Variants in LGR4 observed in about 807,000 individuals in gnomAD.
The protein encoded by LGR4 is leucine-rich repeat-containing G protein-coupled receptor 4.
In LGR4, 44 loss-of-function variants were observed where a neutral mutation model predicts 84.8. That is an observed-to-expected ratio of 0.52 (90% CI 0.41 to 0.67). The LOEUF is 0.67. LGR4 is among the 30% of genes least tolerant of loss of function. The pLI is 0.00. For synonymous variants in LGR4, 429 were observed against 434.3 expected (o/e 0.99, Z 0.15); for missense variants, 1,032 against 1,131.4 (o/e 0.91, Z 1.26).
At chr11:27,447,087 C>T (rs997915366) in intron 1 of LGR4, among the ~76,000 whole-genome samples, 4 of 151,890 alleles carry the variant, frequency 2.6e-5, no homozygotes, top group East Asian at 1.9e-4. Context: ...CTAATGTAAA[C>T]GACAAGTTAA....
chr11:27,416,256 G>C (rs1863815487), intron 1 of LGR4, among the ~76,000 whole-genome samples: 1 of 152,148 alleles, frequency 6.6e-6, no homozygotes, highest in Non-Finnish European at 1.5e-5. Flanking sequence ...GGGAGTACGG[G>C]CTTTGGCGCC....
At chr11:27,407,459 G>A (rs527292121) in intron 2 of LGR4, among the ~76,000 whole-genome samples, 3 of 152,170 alleles carry the variant, frequency 2.0e-5, no homozygotes, top group South Asian at 2.1e-4. Flanking sequence ...TAAAGCCTCC[G>A]TGTCATCACC....
chr11:27,472,481 C>T lies in LGR4; in HGVS notation c.-179G>A, dbSNP rs1864898876. 2.4e-6 allele frequency: 1 copy of T among 410,660 alleles called. No homozygotes were observed. Among genetic ancestry groups the T allele is most frequent in the Non-Finnish European group, 4.2e-6 (1 of 240,678 alleles). The allele number at this position is 410,660 out of a possible 1,614,324, so 25.4% of individuals were successfully genotyped here. ...GCCGCAGCGGCGCAGGGACGCGGCGCTCCGGAGTTTCGCCCTTCCCGCTGC... is the reference window on the plus strand; with the variant it reads ...GCCGCAGCGGCGCAGGGACGCGGCGTTCCGGAGTTTCGCCCTTCCCGCTGC... On this transcript the variant is annotated 5_prime_UTR_variant, in exon 1 of 18. Coordinates refer to ENST00000379214, the MANE Select transcript of LGR4 (RefSeq NM_018490.5).
chr11:27,372,929 A>T (rs1355756797), intron 15 of LGR4: 2 of 153,056 alleles, frequency 1.3e-5, no homozygotes, highest in Non-Finnish European at 2.9e-5. Flanking sequence ...GCGCAATCAC[A>T]GCTCAGTGCA....
At chr11:27,411,384 A>C (rs981208406) in intron 2 of LGR4, among the ~76,000 whole-genome samples, 1 of 151,758 alleles carries the variant, frequency 6.6e-6, no homozygotes, top group African/African-American at 2.4e-5. Context: ...AATGTTCACT[A>C]TAAGAAAAAA....
chr11:27,375,676 C>T (rs1011846943), intron 13 of LGR4, among the ~76,000 whole-genome samples: 1 of 152,140 alleles, frequency 6.6e-6, no homozygotes, highest in Non-Finnish European at 1.5e-5. Context: ...AAAGGCCTGG[C>T]AGTGTTCAAT....
Position 27,373,766 on chromosome 11 carries a change from C to A in LGR4, c.1254-90G>T. 3 of 1,281,900 alleles carry A rather than the reference C, an allele frequency of 2.3e-6. No homozygotes were observed. The South Asian group carries it at 4.6e-5, about 20-fold the overall frequency. The allele number at this position is 1,281,900 out of a possible 1,614,324, so 79.4% of individuals were successfully genotyped here. Reference sequence around the variant, plus strand: ...CGTATTAACATCATAAATATTAGATCCCTAAGATGAAGTTCAAGTGGGGGT... The same window carrying A: ...CGTATTAACATCATAAATATTAGATACCTAAGATGAAGTTCAAGTGGGGGT... On this transcript the variant is annotated intron_variant, in intron 14 of 17. Transcript: ENST00000379214.
chr11:27,430,570 C>T (rs1264764124), intron 1 of LGR4, among the ~76,000 whole-genome samples: 2 of 152,142 alleles, frequency 1.3e-5, no homozygotes, highest in Non-Finnish European at 2.9e-5. Context: ...CATCCCCAGG[C>T]GGTGATAAGC....
At chr11:27,377,286 G>A (rs1294340341) in intron 11 of LGR4, 63 bp from the exon 12 acceptor site, 2 of 831,662 alleles carry the variant, frequency 2.4e-6, no homozygotes, top group East Asian at 2.6e-5. Context: ...TAAAAGAGTG[G>A]TACTCAGAAG....
chr11:27,431,866 T>C (rs115992890), intron 1 of LGR4, among the ~76,000 whole-genome samples: 2,141 of 152,326 alleles, frequency 0.014, 53 homozygotes, highest in African/African-American at 0.049. Context: ...CTTCCACAGA[T>C]GGATTAAATT....
At chr11:27,430,089 C>T (rs1485729086) in intron 1 of LGR4, among the ~76,000 whole-genome samples, 1 of 152,146 alleles carries the variant, frequency 6.6e-6, no homozygotes, top group Non-Finnish European at 1.5e-5. Flanking sequence ...TCTAGGCTCA[C>T]TCTCACATCG....
intron 1 of LGR4, among the ~76,000 whole-genome samples, chr11:27,444,389 T>C (rs1709320807): frequency 1.3e-5 from 2 of 152,142 alleles, no homozygotes; most frequent in Admixed American, 6.5e-5. Context: ...CCTAGATTAG[T>C]CTCTAAACCT....
In LGR4 at chr11:27,455,891, GAAT is replaced by G. The variant is rs373176664; in HGVS notation, c.185+16224_185+16226del. On this transcript the variant is annotated intron_variant, in intron 1 of 17. Coordinates refer to ENST00000379214, the MANE Select transcript of LGR4 (RefSeq NM_018490.5). ...GGTTTCTCCATCTCTAAAATGGGGA[GAAT>G]AATAGCATTGCTTTGGAGGCCTATT... is the stretch of plus-strand genomic sequence containing the variant. Among the ~76,000 whole-genome samples the G allele has an allele frequency of 5.1e-3, 778 of 152,280 alleles. 6 individuals carry two copies. Among genetic ancestry groups the G allele is most frequent in the African/African-American group, 0.015 (616 of 41,560 alleles).
intron 13 of LGR4, among the ~76,000 whole-genome samples, chr11:27,375,297 C>A (rs1462230752): frequency 6.1e-3 from 717 of 117,668 alleles, no homozygotes; most frequent in Middle Eastern, 0.013. Context: ...GACCCTGTCT[C>A]AAAAAAAAAA....
In LGR4 at chr11:27,376,485, A is replaced by C. The variant is rs1330582649; in HGVS notation, c.1110-115T>G. The stretch of plus-strand genomic sequence containing the variant: ...AAAAAAGTTACTTTCTATTTTGAAA[A>C]ATAACATTATAACATTTCTTAGTTG... On this transcript the variant is annotated intron_variant, in intron 12 of 17. Coordinates refer to ENST00000379214, the MANE Select transcript of LGR4 (RefSeq NM_018490.5). 1.9e-5 allele frequency: 10 copies of C among 523,558 alleles called. No homozygotes were observed. In the East Asian group the frequency reaches 2.2e-4, roughly 12 times the overall value. 32.4% of individuals were successfully genotyped at this position (523,558 alleles called of 1,614,324 possible).
chr11:27,399,848 C>G (rs1291464495), intron 2 of LGR4, among the ~76,000 whole-genome samples: 5 of 152,154 alleles, frequency 3.3e-5, no homozygotes, highest in African/African-American at 1.2e-4. Context: ...AAAATACATA[C>G]TTCTTAAAGT....
chr11:27,395,618 T>G (rs1322908576), intron 2 of LGR4, among the ~76,000 whole-genome samples: 3 of 152,152 alleles, frequency 2.0e-5, no homozygotes, highest in Non-Finnish European at 2.9e-5. Flanking sequence ...AAGCCAACGA[T>G]CTGGAGAAAT....
At chr11:27,427,035 G>T (rs187830308) in intron 1 of LGR4, among the ~76,000 whole-genome samples, 1 of 152,218 alleles carries the variant, frequency 6.6e-6, no homozygotes, top group Admixed American at 6.5e-5. Flanking sequence ...GAGAAAAACA[G>T]TACTACCTGT....
At position 27,456,008 on chromosome 11, in the gene LGR4, AGAGGATGGT is replaced by A. The variant is rs563060094; in HGVS notation, c.185+16101_185+16109del. ...ATTATGAGCATCTAAGTTAATAACA[AGAGGATGGT>A]GATGATATTATCTGAATGGCAGGAC... On this transcript the variant is annotated intron_variant, in intron 1 of 17. Transcript: ENST00000379214. Among the ~76,000 whole-genome samples the A allele has an allele frequency of 9.2e-5, 14 of 152,344 alleles. No homozygotes were observed. In the East Asian group the frequency reaches 2.3e-3, roughly 25 times the overall value.
Sources: gnomAD v4.1 joint callset for allele counts (sites outside exome capture counted in the v4.1 genomes callset) on GRCh38, gnomAD v4.1.1 for gene constraint, MANE v1.5 for transcripts, NCBI Gene and HGNC (gene_info 2026-07-23, HGNC 2026-07-21) for gene names.